The following MAST4 variants were observed in gnomAD, a reference collection of about 807,000 sequenced individuals.
MAST4 encodes the protein microtubule-associated serine/threonine-protein kinase 4.
MAST4 carries 89 observed loss-of-function variants against 162.7 expected under a neutral mutation model. The ratio of observed to expected loss-of-function variants is 0.55; its 90% CI spans 0.46 to 0.65. MAST4 has a LOEUF of 0.65. Among genes scored for constraint, MAST4 ranks in the 30% least tolerant of loss-of-function variants. MAST4 has a pLI of 0.00. For missense variants in MAST4, 3,153 were observed against 3,374.0 expected (o/e 0.93, Z 1.62); for synonymous variants, 1,479 against 1,361.1 (o/e 1.09, Z -1.91).
At chr5:66,880,277 T>G (rs887279688) in intron 3 of MAST4, among the ~76,000 whole-genome samples, 2 of 152,198 alleles carry the variant, frequency 1.3e-5, no homozygotes, top group African/African-American at 4.8e-5. Context: ...CATATTTTGC[T>G]CATAAATTCT....
chr5:66,644,143 TC>T (rs1745668161), intron 1 of MAST4, among the ~76,000 whole-genome samples: 1 of 151,894 alleles, frequency 6.6e-6, no homozygotes, highest in South Asian at 2.1e-4. Context: ...TTTTTTTTTT[TC>T]AGATTTAGAA....
At chr5:66,784,472 T>C (rs2149666918) in intron 2 of MAST4, among the ~76,000 whole-genome samples, 1 of 152,288 alleles carries the variant, frequency 6.6e-6, no homozygotes, top group South Asian at 2.1e-4. Context: ...CACTTCTAAG[T>C]TGAAGTAGCA....
At chr5:66,981,509 G>A (rs1015505233) in intron 4 of MAST4, among the ~76,000 whole-genome samples, 3 of 152,164 alleles carry the variant, frequency 2.0e-5, no homozygotes, top group African/African-American at 7.2e-5. Flanking sequence ...GGGTGGGGAT[G>A]GCAGCACCTG....
intron 5 of MAST4, among the ~76,000 whole-genome samples, chr5:67,059,903 G>T (rs1259674349): frequency 6.6e-6 from 1 of 151,944 alleles, no homozygotes; most frequent in Non-Finnish European, 1.5e-5. Flanking sequence ...AGGCACATGG[G>T]GTTTGGGCAA....
At chr5:66,679,035 G>T (rs183829383) in intron 1 of MAST4, among the ~76,000 whole-genome samples, 320 of 152,236 alleles carry the variant, frequency 2.1e-3, no homozygotes, top group Admixed American at 4.5e-3. Context: ...CAGGTGATCC[G>T]CCTGCCTCGG....
At position 67,165,758 on chromosome 5, in the gene MAST4, G is replaced by A. The variant is rs554271726; in HGVS notation, c.6579G>A (p.Lys2193=). 4.4e-6 allele frequency: 7 copies of A among 1,592,458 alleles called. No homozygotes were observed. The highest frequency in any genetic ancestry group is 4.0e-5 in the African/African-American group (3 of 74,400). The change falls in exon 29 of 29, where the codon AAG becomes AAA. Residue 2193 remains lysine, a synonymous_variant. Transcript: ENST00000403625. ...CGCACAGTGAAAGCAGCAGCCACAA[G>A]CCCCGGCCTGGCCCTGACCCGGGCC... The part of the protein sequence containing the change: ...VAAHSESSSH[K]PRPGPDPGPP...
intron 1 of MAST4, among the ~76,000 whole-genome samples, chr5:66,672,670 G>A (rs901527844): frequency 1.3e-5 from 2 of 152,070 alleles, no homozygotes; most frequent in African/African-American, 4.8e-5. Context: ...TGCATCCACT[G>A]CAGTTTACTA....
intron 3 of MAST4, among the ~76,000 whole-genome samples, chr5:66,791,212 C>T (rs1342524772): frequency 3.3e-5 from 5 of 152,122 alleles, no homozygotes; most frequent in African/African-American, 4.8e-5. Flanking sequence ...TTGGTAGAGA[C>T]GGCGTTTTGC....
At chr5:66,703,955 A>G (rs572352879) in intron 1 of MAST4, among the ~76,000 whole-genome samples, 91 of 152,348 alleles carry the variant, frequency 6.0e-4, no homozygotes, top group African/African-American at 2.1e-3. Context: ...CATGTTTTAC[A>G]TAAAGTATAA....
chr5:67,019,062 C>T (rs1753660963), intron 4 of MAST4, among the ~76,000 whole-genome samples: 1 of 152,172 alleles, frequency 6.6e-6, no homozygotes, highest in African/African-American at 2.4e-5. Flanking sequence ...TACTATATCT[C>T]CTGGTTTATT....
intron 26 of MAST4, among the ~76,000 whole-genome samples, chr5:67,154,446 C>T (rs958948558): frequency 4.6e-5 from 7 of 152,284 alleles, no homozygotes; most frequent in African/African-American, 9.6e-5. Context: ...TGATCACTTT[C>T]GTGATTTATT....
Position 66,721,268 on chromosome 5 carries a change from C to T in MAST4, c.364-38441C>T, listed in dbSNP as rs1751192855. Among the ~76,000 whole-genome samples, 3 of 152,140 alleles carry T rather than the reference C, an allele frequency of 2.0e-5. No homozygotes were observed. In the South Asian group the frequency reaches 6.2e-4, roughly 32 times the overall value. The stretch of plus-strand genomic sequence containing the variant: ...TAGAGTTATACTTGTCTCAAATTCA[C>T]CTCCCCCTGCTCTCTCTTGAACCCA... On this transcript the variant is annotated intron_variant, in intron 1 of 28. Transcript: ENST00000403625.
chr5:67,015,047 C>A (rs1753119201), intron 4 of MAST4, among the ~76,000 whole-genome samples: 1 of 152,072 alleles, frequency 6.6e-6, no homozygotes, highest in African/African-American at 2.4e-5. Flanking sequence ...GGAATGGGTC[C>A]CAGGTTGGAA....
chr5:66,742,310 C>G (rs1752519065), intron 1 of MAST4, among the ~76,000 whole-genome samples: 1 of 152,166 alleles, frequency 6.6e-6, no homozygotes, highest in African/African-American at 2.4e-5. Context: ...GGTTGGCACT[C>G]AAGCTCATTA....
chr5:66,851,706 T>A (rs1759325902), intron 3 of MAST4, among the ~76,000 whole-genome samples: 1 of 152,226 alleles, frequency 6.6e-6, no homozygotes, highest in Non-Finnish European at 1.5e-5. Flanking sequence ...CATGCACTTC[T>A]CTTAGTGGAG....
rs1039804789 is a variant in MAST4 at position 66,766,447 on chromosome 5, G to T, written c.517+6585G>T. ...CTATCTTGGGAAGAAAGTTGAGAGG[G>T]TTTTCTTTTTTGGACTATAGAAATC... On this transcript the variant is annotated intron_variant, in intron 2 of 28. Coordinates refer to ENST00000403625, the MANE Select transcript of MAST4 (RefSeq NM_001164664.2). 1.3e-4 allele frequency among the ~76,000 whole-genome samples: 19 copies of T among 151,968 alleles called. No homozygotes were observed. In the East Asian group the frequency reaches 1.4e-3, roughly 11 times the overall value.
rs1269416247 is a variant in MAST4 at position 66,941,892 on chromosome 5, AAG to A, written c.674+41914_674+41915del. Among the ~76,000 whole-genome samples, 3 of 152,240 alleles carry A rather than the reference AAG, an allele frequency of 2.0e-5. No individual in the cohort carries two copies. The East Asian group carries it at 5.8e-4, about 29-fold the overall frequency. The stretch of plus-strand genomic sequence containing the variant: ...AAACAGAAAGGCCCATGGAGAAGGA[AAG>A]AGATGGGGGAACGGCTGGTCGATCA... On this transcript the variant is annotated intron_variant, in intron 4 of 28. Transcript: ENST00000403625.
At chr5:67,014,662 A>G (rs1195032939) in intron 4 of MAST4, among the ~76,000 whole-genome samples, 6 of 152,236 alleles carry the variant, frequency 3.9e-5, no homozygotes, top group Admixed American at 6.5e-5. Flanking sequence ...TGAAAAATCA[A>G]TAGTGACTTT....
At chr5:67,008,252 A>T (rs1752277229) in intron 4 of MAST4, among the ~76,000 whole-genome samples, 1 of 152,196 alleles carries the variant, frequency 6.6e-6, no homozygotes, top group Admixed American at 6.5e-5. Context: ...TGAAGTAATG[A>T]TTGCATGTTT....
Sources: gnomAD v4.1 joint callset for allele counts (sites outside exome capture counted in the v4.1 genomes callset) on GRCh38, gnomAD v4.1.1 for gene constraint, MANE v1.5 for transcripts, NCBI Gene and HGNC (gene_info 2026-07-23, HGNC 2026-07-21) for gene names.